The following NCOR1 variants were observed in gnomAD, a reference collection of about 807,000 sequenced individuals.
The protein encoded by NCOR1 is protein phosphatase 1, regulatory subunit 109.
NCOR1 carries 63 observed loss-of-function variants against 288.1 expected under a neutral mutation model. The ratio of observed to expected loss-of-function variants is 0.22; its 90% confidence interval spans 0.18 to 0.27. The LOEUF is 0.27. NCOR1 is among the 10% of genes least tolerant of loss of function. NCOR1 has a pLI of 1.00. For synonymous variants in NCOR1, 1,007 were observed against 1,065.9 expected (o/e 0.94, Z 1.08); for missense variants, 2,397 against 3,019.2 (o/e 0.79, Z 4.83).
chr17:16,129,374 A>G (rs1346828919), intron 14 of NCOR1, among the ~76,000 whole-genome samples: 3 of 152,196 alleles, frequency 2.0e-5, no homozygotes, highest in African/African-American at 7.2e-5. Context: ...TGAGAACTGT[A>G]CCTACTATTC....
rs115362918 is a variant in NCOR1, at chr17:16,157,238, G to A, written c.732+1522C>T. On this transcript the variant is annotated intron_variant, in intron 6 of 45. Coordinates refer to ENST00000268712, the MANE Select transcript of NCOR1 (RefSeq NM_006311.4). ...GAACACAGCCCCCATCTTAGGCATG[G>A]TCACCTCCTTCCCTTCCTTTACTGG... 9.4e-3 allele frequency among the ~76,000 whole-genome samples: 1,430 copies of A among 152,146 alleles called. 17 individuals are homozygous for A. Among genetic ancestry groups the A allele is most frequent in the African/African-American group, 0.032 (1,342 of 41,502 alleles).
chr17:16,177,126 T>C (rs562026038), intron 3 of NCOR1, among the ~76,000 whole-genome samples: 1 of 152,168 alleles, frequency 6.6e-6, no homozygotes, highest in Non-Finnish European at 1.5e-5. Context: ...AAGACAAGGT[T>C]TACCTTAAGC....
chr17:16,153,857 T>C (rs548171746), intron 6 of NCOR1, among the ~76,000 whole-genome samples: 9 of 152,248 alleles, frequency 5.9e-5, no homozygotes, highest in Admixed American at 3.9e-4. Context: ...GTGAGCAACA[T>C]TGATCTCTTT....
At position 16,029,399 on chromosome 17, in the gene NCOR1, A is replaced by G. The variant is rs985728933; in HGVS notation, c.*2897T>C. 9 of 343,840 alleles carry G rather than the reference A, an allele frequency of 2.6e-5. 2 individuals are homozygous for G. The highest frequency in any genetic ancestry group is 1.9e-4 in the African/African-American group (9 of 46,452). The allele number at this position is 343,840 out of a possible 1,614,324, so 21.3% of individuals were successfully genotyped here. On this transcript the variant is annotated 3_prime_UTR_variant, in exon 46 of 46. Coordinates refer to ENST00000268712, the MANE Select transcript of NCOR1 (RefSeq NM_006311.4). ...AAAATCGTGTCATTAAAATTTTTTA[A>G]CTGTCCAATGGTCACTGGAGTTTTC...
intron 14 of NCOR1, among the ~76,000 whole-genome samples, chr17:16,126,988 A>G (rs1457693498): frequency 2.0e-5 from 3 of 152,112 alleles, no homozygotes; most frequent in African/African-American, 7.2e-5. Flanking sequence ...TATTTGAAAA[A>G]AGACCACACT....
intron 11 of NCOR1, among the ~76,000 whole-genome samples, chr17:16,140,500 C>A (rs1021313901): frequency 3.3e-5 from 5 of 152,070 alleles, no homozygotes; most frequent in Non-Finnish European, 5.9e-5. Flanking sequence ...CCCATCTCTA[C>A]AAAATAATTT....
In NCOR1 at chr17:16,030,079, G is replaced by A. The variant is rs560423812; in HGVS notation, c.*2217C>T. 6 of 177,366 alleles carry A rather than the reference G, an allele frequency of 3.4e-5. No individual in the cohort carries two copies. Among genetic ancestry groups the A allele is most frequent in the East Asian group, 1.9e-4 (2 of 10,556 alleles). 11.0% of individuals were successfully genotyped at this position (177,366 alleles called of 1,614,324 possible). A position where few individuals can be genotyped will look rare whatever the true frequency, so the allele number is the denominator to read the frequency against. Reference sequence around the variant, plus strand: ...GCCTACTGCTGACCAGAAGTCTTACGGATAACATAGTCGATTGACACATAT... The same window carrying A: ...GCCTACTGCTGACCAGAAGTCTTACAGATAACATAGTCGATTGACACATAT... On this transcript the variant is annotated 3_prime_UTR_variant, in exon 46 of 46. Transcript: ENST00000268712.
At chr17:16,120,562 TGAGA>T (rs911319210) in intron 16 of NCOR1, among the ~76,000 whole-genome samples, 7 of 152,088 alleles carry the variant, frequency 4.6e-5, no homozygotes, top group South Asian at 2.1e-4. Context: ...CAATACTTAA[TGAGA>T]GAGAGAAAGA....
chr17:16,164,245 A>AG (rs1295636639), intron 5 of NCOR1, among the ~76,000 whole-genome samples: 1 of 145,566 alleles, frequency 6.9e-6, no homozygotes, highest in Non-Finnish European at 1.5e-5. Flanking sequence ...CAAATCTGGA[A>AG]AAAAAAAAAA....
intron 7 of NCOR1, 52 bp from the exon 8 acceptor site, chr17:16,152,050 A>G (rs771490063): frequency 2.5e-5 from 30 of 1,214,348 alleles, no homozygotes; most frequent in Non-Finnish European, 3.3e-5. Flanking sequence ...TATGTCTATG[A>G]AGAGACAAAG....
intron 1 of NCOR1, among the ~76,000 whole-genome samples, chr17:16,197,584 T>C (rs773812421): frequency 5.9e-5 from 9 of 152,114 alleles, no homozygotes; most frequent in Non-Finnish European, 1.3e-4. Context: ...AATCTGAAGA[T>C]CAGAGAAAGT....
intron 21 of NCOR1, 30 bp downstream of exon 21, chr17:16,098,337 T>C: frequency 6.2e-7 from 1 of 1,606,958 alleles, no homozygotes; most frequent in Non-Finnish European, 8.5e-7. Flanking sequence ...TTTTTCATAT[T>C]TAGTTTTCTT....
rs996110040 is a variant in NCOR1, at chr17:16,051,440, A to T, written c.6393-2452T>A. Among the ~76,000 whole-genome samples, 14 of 152,332 alleles carry T rather than the reference A, an allele frequency of 9.2e-5. No individual in the cohort carries two copies. The East Asian group carries it at 9.6e-4, about 10-fold the overall frequency. ...ATAAAGGCAGAAAGCAAGTTTTTTT[A>T]AACTAATGAGAACAAAGATACAACG... On this transcript the variant is annotated intron_variant, in intron 40 of 45. Coordinates refer to ENST00000268712, the MANE Select transcript of NCOR1 (RefSeq NM_006311.4).
At chr17:16,091,335 A>C (rs2065147541) in intron 22 of NCOR1, among the ~76,000 whole-genome samples, 1 of 152,256 alleles carries the variant, frequency 6.6e-6, no homozygotes. Flanking sequence ...GTAGACGTGT[A>C]CTATTATTTT....
intron 14 of NCOR1, among the ~76,000 whole-genome samples, chr17:16,127,334 T>C (rs559871492): frequency 1.4e-4 from 8 of 56,932 alleles, no homozygotes; most frequent in East Asian, 8.7e-4. Context: ...TGTATGTATA[T>C]ATACATGTAT....
intron 6 of NCOR1, among the ~76,000 whole-genome samples, chr17:16,157,921 A>G (rs2080077198): frequency 2.0e-5 from 3 of 150,824 alleles, no homozygotes; most frequent in Non-Finnish European, 4.4e-5. Context: ...AGAGTATGAG[A>G]GTAAACCTAA....
intron 7 of NCOR1, 91 bp from the exon 8 acceptor site, chr17:16,152,089 A>C: frequency 1.4e-6 from 1 of 735,752 alleles, no homozygotes; most frequent in Non-Finnish European, 2.1e-6. Context: ...AGCACAGGTA[A>C]AGTACTAATG....
Position 16,194,488 on chromosome 17 carries a change from T to G in NCOR1, c.82A>C (p.Thr28Pro). ...SRYPPHSVQY[T>P]FPNTRHQQEF... ...TGCTGGTGGCGGGTGTTGGGAAATGTATACTGGACAGAGTGAGGAGGATAA... is the reference window on the plus strand; with the variant it reads ...TGCTGGTGGCGGGTGTTGGGAAATGGATACTGGACAGAGTGAGGAGGATAA... Residue 28 changes from threonine to proline, a missense_variant, in exon 2 of 46, where the codon ACA becomes CCA. Transcript: ENST00000268712. 1 of 1,609,800 alleles carries G rather than the reference T, an allele frequency of 6.2e-7. No individual in the cohort carries two copies. The highest frequency in any genetic ancestry group is 1.1e-5 in the South Asian group (1 of 90,100).
chr17:16,079,905 ATTAT>A (rs1032933800), intron 26 of NCOR1, 55 bp downstream of exon 26: 1 of 1,434,442 alleles, frequency 7.0e-7, no homozygotes, highest in African/African-American at 1.4e-5. Flanking sequence ...AGTGCTAAGA[ATTAT>A]TTATCATTTT....
Sources: allele counts gnomAD v4.1 joint callset (sites outside exome capture counted in the v4.1 genomes callset), GRCh38; gene constraint gnomAD v4.1.1; transcripts MANE v1.5; gene names NCBI Gene and HGNC (gene_info 2026-07-23, HGNC 2026-07-21).